Variants in PIK3C2G observed in about 807,000 individuals in gnomAD.
PIK3C2G encodes the protein phosphatidylinositol-4-phosphate 3-kinase catalytic subunit type 2 gamma.
PIK3C2G carries 168 observed loss-of-function variants against 181.1 expected under a neutral mutation model. That is an observed-to-expected ratio of 0.93 (90% confidence interval 0.82 to 1.05). The LOEUF is 1.05. PIK3C2G is among the 50% of genes least tolerant of loss of function. The probability of loss-of-function intolerance (pLI) is 0.00; values close to 1 mark genes in which losing one functional copy is unlikely to be tolerated. For missense variants in PIK3C2G, 1,869 were observed against 1,732.8 expected, an observed-to-expected ratio of 1.08 and a Z score of -1.40; for synonymous variants, 573 against 592.2, an observed-to-expected ratio of 0.97 and a Z score of 0.47.
the PIK3C2G span, chr12:18,693,090 A>T: frequency 6.6e-7 from 1 of 1,514,320 alleles, no homozygotes; most frequent in Non-Finnish European, 9.2e-7. Context: ...TCTGAGGGGG[A>T]CCCCAATGTC....
At chr12:18,539,134 G>T (rs1483037257) in intron 25 of PIK3C2G, among the ~76,000 whole-genome samples, 1 of 151,872 alleles carries the variant, frequency 6.6e-6, no homozygotes, top group African/African-American at 2.4e-5. Context: ...GTTGTTAAGG[G>T]TACAAACATG....
chr12:18,435,097 C>T (rs1946377387), intron 18 of PIK3C2G, among the ~76,000 whole-genome samples: 2 of 151,918 alleles, frequency 1.3e-5, no homozygotes, highest in South Asian at 4.1e-4. Flanking sequence ...TATTCCTACC[C>T]TCTACCATTT....
intron 3 of PIK3C2G, 52 bp from the exon 4 acceptor site, chr12:18,290,803 C>G: frequency 8.7e-7 from 1 of 1,149,102 alleles, no homozygotes; most frequent in Non-Finnish European, 1.3e-6. Flanking sequence ...ATGTTTTAAA[C>G]TGTGTCTTGC....
chr12:18,423,649 A>G (rs1232909312), intron 17 of PIK3C2G, among the ~76,000 whole-genome samples: 2 of 152,148 alleles, frequency 1.3e-5, no homozygotes, highest in Non-Finnish European at 2.9e-5. Context: ...ATAATCCAGG[A>G]CTTTTTGTGT....
intron 9 of PIK3C2G, among the ~76,000 whole-genome samples, chr12:18,340,034 T>G (rs554092954): frequency 2.1e-4 from 32 of 152,288 alleles, no homozygotes; most frequent in Middle Eastern, 3.4e-3. Flanking sequence ...TAGAAGGAAA[T>G]GGAATAACTA....
At chr12:18,284,404 C>A (rs747473903) in intron 2 of PIK3C2G, among the ~76,000 whole-genome samples, 22 of 151,716 alleles carry the variant, frequency 1.5e-4, no homozygotes, top group Middle Eastern at 3.4e-3. Flanking sequence ...TAACTGCCTG[C>A]CAATGAAAAA....
intron 11 of PIK3C2G, among the ~76,000 whole-genome samples, chr12:18,361,797 G>A (rs968021206): frequency 2.6e-5 from 4 of 152,102 alleles, no homozygotes; most frequent in African/African-American, 9.7e-5. Context: ...TCCCATCAGT[G>A]CTTCTAGTTG....
chr12:18,717,494 T>C, the PIK3C2G span, among the ~76,000 whole-genome samples: 1 of 152,226 alleles, frequency 6.6e-6, no homozygotes, highest in African/African-American at 2.4e-5. Context: ...ATATCCCATA[T>C]ATGCTGATGA....
chr12:18,392,923 T>C (rs1943626916), intron 15 of PIK3C2G, among the ~76,000 whole-genome samples: 1 of 152,108 alleles, frequency 6.6e-6, no homozygotes, highest in African/African-American at 2.4e-5. Flanking sequence ...ATGACACATA[T>C]ATTGACAATC....
intron 18 of PIK3C2G, among the ~76,000 whole-genome samples, chr12:18,482,025 A>G (rs1318948151): frequency 6.6e-6 from 1 of 152,146 alleles, no homozygotes; most frequent in Non-Finnish European, 1.5e-5. Context: ...ACATTCCCTA[A>G]TTAAAACCAG....
chr12:18,467,485 G>C (rs61662525), intron 18 of PIK3C2G, among the ~76,000 whole-genome samples: 1,678 of 143,086 alleles, frequency 0.012, 30 homozygotes, highest in African/African-American at 0.042. Context: ...TTTATTTACA[G>C]GTTTTTTTTT....
intron 24 of PIK3C2G, among the ~76,000 whole-genome samples, chr12:18,514,446 T>C (rs1942405056): frequency 6.6e-6 from 1 of 151,908 alleles, no homozygotes; most frequent in Non-Finnish European, 1.5e-5. Flanking sequence ...ATAGTTTTTA[T>C]CGCAGAGATC....
intron 23 of PIK3C2G, 140 bp from the exon 24 acceptor site, chr12:18,505,152 C>T: frequency 1.3e-5 from 8 of 599,202 alleles, no homozygotes; most frequent in South Asian, 5.1e-5. Flanking sequence ...TTAACTGTAC[C>T]CTCCTGTCCA....
intron 1 of PIK3C2G, among the ~76,000 whole-genome samples, chr12:18,278,393 T>C (rs1949074250): frequency 6.6e-6 from 1 of 152,174 alleles, no homozygotes; most frequent in Non-Finnish European, 1.5e-5. Flanking sequence ...TTCTGCCTCC[T>C]TCTCCCATTT....
intron 30 of PIK3C2G, among the ~76,000 whole-genome samples, chr12:18,602,062 A>C (rs1295828649): frequency 6.6e-6 from 1 of 152,182 alleles, no homozygotes; most frequent in Admixed American, 6.5e-5. Context: ...GAGGGCACGA[A>C]TCCGGCTTGG....
chr12:18,575,731 T>C (rs1946202649), intron 29 of PIK3C2G, among the ~76,000 whole-genome samples: 1 of 152,206 alleles, frequency 6.6e-6, no homozygotes. Context: ...AAAGTCGTGC[T>C]AGGCAAAGAG....
chr12:18,576,562 T>C (rs991700577), intron 29 of PIK3C2G, among the ~76,000 whole-genome samples: 1 of 152,100 alleles, frequency 6.6e-6, no homozygotes, highest in Non-Finnish European at 1.5e-5. Flanking sequence ...AGAAGTAAAA[T>C]AAAATAATTG....
chr12:18,420,967 T>A lies in PIK3C2G; in HGVS notation c.2342T>A (p.Val781Glu), dbSNP rs369837747. 9 of 1,600,762 alleles carry A rather than the reference T, an allele frequency of 5.6e-6. 1 individual carries two copies. The highest frequency in any genetic ancestry group is 7.7e-6 in the Non-Finnish European group (9 of 1,168,492). ...TTTCCAGATCAAGAAATTCGTAAAG[T>A]GGCAGTTCAACAATTAGACAACCTC... ...SSFPDQEIRK[V>E]AVQQLDNLLN... Residue 781 changes from valine to glutamate, a missense_variant, in exon 17 of 33, where the codon GTG becomes GAG. Physicochemically the swap from Val to Glu is moderately radical, Grantham distance 121. Transcript: ENST00000538779.
Position 18,282,771 on chromosome 12 carries a change from A to G in PIK3C2G, c.678+12A>G. The G allele has an allele frequency of 6.7e-7, 1 of 1,481,688 alleles. No individual in the cohort carries two copies. Among genetic ancestry groups the G allele is most frequent in the Non-Finnish European group, 9.1e-7 (1 of 1,092,970 alleles). The allele number at this position is 1,481,688 out of a possible 1,614,324, so 91.8% of individuals were successfully genotyped here. A position where few individuals can be genotyped will look rare whatever the true frequency, so the allele number is the denominator to read the frequency against. On this transcript the variant is annotated intron_variant, in intron 2 of 32. Transcript: ENST00000538779. ...AGAAGAATATAGAGGTAAGTATAAT[A>G]CATGTCAATGTAAAAATATGAATCT...
Sources: gnomAD v4.1 joint callset for allele counts (sites outside exome capture counted in the v4.1 genomes callset) on GRCh38, gnomAD v4.1.1 for gene constraint, MANE v1.5 for transcripts, NCBI Gene and HGNC (gene_info 2026-07-23, HGNC 2026-07-21) for gene names.